Variants in SOX6 observed in about 807,000 individuals in gnomAD.
SOX6 encodes SRY-box transcription factor 6.
A neutral mutation model predicts 97.8 loss-of-function variants in SOX6; 11 were observed. That is an observed-to-expected ratio of 0.11 (90% CI 0.07 to 0.19). The LOEUF (loss-of-function observed/expected upper bound fraction) is 0.19, where lower values mean the gene tolerates loss of function less well. Among genes scored for constraint, SOX6 ranks in the 10% least tolerant of loss-of-function variants. The probability of loss-of-function intolerance (pLI) is 1.00; values close to 1 mark genes in which losing one functional copy is unlikely to be tolerated. For missense variants in SOX6, 810 were observed against 1,039.5 expected (o/e 0.78, Z 3.04); for synonymous variants, 360 against 371.4 (o/e 0.97, Z 0.35).
At position 16,398,713 on chromosome 11, in the gene SOX6, AT is replaced by A. The variant is rs1342661767; in HGVS notation, c.-4-57462del. On this transcript the variant is annotated intron_variant, in intron 1 of 15. Coordinates refer to the SOX6 transcript ENST00000396356. ...AACTCTTTAATATCCTGTTTTATGT[AT>A]TTCTTCTATAAGGTCAAAAGGCAGA... Among the ~76,000 whole-genome samples, 13 of 150,322 alleles carry A rather than the reference AT, an allele frequency of 8.6e-5. No homozygotes were observed. In the East Asian group the frequency reaches 2.5e-3, roughly 29 times the overall value.
At chr11:16,727,271 A>G (rs867104736) in intron 2 of SOX6, among the ~76,000 whole-genome samples, 1 of 131,544 alleles carries the variant, frequency 7.6e-6, no homozygotes, top group Non-Finnish European at 1.6e-5. Flanking sequence ...ACTTCACTTT[A>G]TATGCTATAT....
At chr11:16,361,388 T>G (rs1857207932), upstream of SOX6, among the ~76,000 whole-genome samples, 1 of 152,196 alleles carries the variant, frequency 6.6e-6, no homozygotes, top group Non-Finnish European at 1.5e-5. Context: ...ACATTACTTC[T>G]GCTATAAACA....
At chr11:16,373,591 T>C (rs1212911989) in intron 1 of SOX6, among the ~76,000 whole-genome samples, 2 of 152,082 alleles carry the variant, frequency 1.3e-5, no homozygotes, top group African/African-American at 4.8e-5. Flanking sequence ...ATTTAATTTA[T>C]AGGTTTCTAT....
rs1404237219 is a variant in SOX6, at chr11:16,445,464, T to G, written c.-5+30851A>C. On this transcript the variant is annotated intron_variant, in intron 1 of 15. Transcript: ENST00000396356. ...GCAGCCATGTATCTGTGGGCATTTT[T>G]ATATCCTTATTCATAAACCAAATCT... is the stretch of plus-strand genomic sequence containing the variant. Among the ~76,000 whole-genome samples the G allele has an allele frequency of 3.3e-5, 5 of 152,222 alleles. No individual in the cohort carries two copies. In the South Asian group the frequency reaches 1.0e-3, roughly 31 times the overall value.
intron 4 of SOX6, among the ~76,000 whole-genome samples, chr11:16,486,401 A>G (rs569654203): frequency 6.6e-6 from 1 of 152,216 alleles, no homozygotes; most frequent in South Asian, 2.1e-4. Flanking sequence ...CTTTTTTAAG[A>G]TCTTTTTTTT....
intron 3 of SOX6, among the ~76,000 whole-genome samples, chr11:16,681,138 C>G (rs1847924254): frequency 6.6e-6 from 1 of 152,218 alleles, no homozygotes; most frequent in Non-Finnish European, 1.5e-5. Context: ...CCCTCCACCC[C>G]AAATCAACAG....
At chr11:16,708,525 T>C (rs1384044616) in intron 3 of SOX6, among the ~76,000 whole-genome samples, 1 of 152,224 alleles carries the variant, frequency 6.6e-6, no homozygotes, top group African/African-American at 2.4e-5. Context: ...CCAGATAATA[T>C]ATCTTATGCT....
At chr11:16,079,629 C>T (rs1035761823) in intron 9 of SOX6, among the ~76,000 whole-genome samples, 3 of 152,030 alleles carry the variant, frequency 2.0e-5, no homozygotes, top group African/African-American at 7.2e-5. Context: ...TTTGAATTTA[C>T]TTATAAGTGA....
chr11:16,073,005 C>A (rs879256597), intron 9 of SOX6, among the ~76,000 whole-genome samples: 2 of 152,078 alleles, frequency 1.3e-5, no homozygotes, highest in Non-Finnish European at 2.9e-5. Flanking sequence ...CTTAAGTACG[C>A]AGACTAGTGA....
intron 7 of SOX6, 143 bp downstream of exon 7, chr11:16,111,660 A>T: frequency 8.8e-7 from 1 of 1,135,926 alleles, no homozygotes; most frequent in Non-Finnish European, 1.3e-6. Flanking sequence ...CACTCTTCCC[A>T]ATTCTAATTT....
chr11:16,586,882 C>T (rs758910597), intron 4 of SOX6, among the ~76,000 whole-genome samples: 8 of 152,170 alleles, frequency 5.3e-5, no homozygotes, highest in Non-Finnish European at 1.2e-4. Context: ...GAAACTAGTG[C>T]ATAGTGCAGC....
At chr11:16,012,177 A>G (rs143061698) in intron 13 of SOX6, among the ~76,000 whole-genome samples, 1 of 152,158 alleles carries the variant, frequency 6.6e-6, no homozygotes, top group East Asian at 1.9e-4. Flanking sequence ...TTTCTTCTTA[A>G]TCTTACTGTT....
chr11:16,198,589 A>G (rs565844734), intron 4 of SOX6, among the ~76,000 whole-genome samples: 1 of 152,304 alleles, frequency 6.6e-6, no homozygotes, highest in East Asian at 1.9e-4. Context: ...CATAAGGAAT[A>G]TAATACCACA....
chr11:16,305,843 T>C (rs1339980749), intron 3 of SOX6, among the ~76,000 whole-genome samples: 1 of 152,136 alleles, frequency 6.6e-6, no homozygotes, highest in Non-Finnish European at 1.5e-5. Context: ...AAAAGCTACA[T>C]ACTATATAAT....
chr11:16,451,083 T>A (rs921868245), intron 1 of SOX6, among the ~76,000 whole-genome samples: 1 of 151,816 alleles, frequency 6.6e-6, no homozygotes, highest in Non-Finnish European at 1.5e-5. Context: ...AATAAAAAAA[T>A]TAGCCAGGTA....
intron 4 of SOX6, among the ~76,000 whole-genome samples, chr11:16,539,192 A>G (rs886635296): frequency 3.3e-5 from 5 of 152,222 alleles, no homozygotes; most frequent in African/African-American, 1.2e-4. Flanking sequence ...GCACAACTAC[A>G]TGGAAACTGA....
chr11:16,610,117 T>C lies in SOX6; in HGVS notation n.609+1964A>G, dbSNP rs1221703609. Among the ~76,000 whole-genome samples, 5 of 152,126 alleles carry C rather than the reference T, an allele frequency of 3.3e-5. No homozygotes were observed. Among genetic ancestry groups the C allele is most frequent in the Non-Finnish European group, 7.4e-5 (5 of 68,026 alleles). On this transcript the variant is annotated intron_variant and non_coding_transcript_variant, in intron 4 of 5. Transcript: ENST00000524520. The surrounding 1 kb of genome is among the most constrained non-coding windows in gnomAD (Gnocchi z 4.4). Reference sequence around the variant, plus strand: ...CTCCCCTGTGTGTGTAAGAGTGTCGTTGGGCCTGTTCCAGAGCGTTGCACT... The same window carrying C: ...CTCCCCTGTGTGTGTAAGAGTGTCGCTGGGCCTGTTCCAGAGCGTTGCACT...
chr11:16,103,889 C>T (rs547538567), intron 7 of SOX6, among the ~76,000 whole-genome samples: 11 of 151,446 alleles, frequency 7.3e-5, no homozygotes, highest in East Asian at 2.0e-4. Flanking sequence ...TGGGGGATAG[C>T]GAGGTATAAA....
intron 1 of SOX6, among the ~76,000 whole-genome samples, chr11:16,457,869 A>G (rs1383521301): frequency 1.3e-5 from 2 of 152,030 alleles, no homozygotes; most frequent in African/African-American, 4.8e-5. Context: ...TAATGTTACC[A>G]ATGTTATCAT....
Sources: gnomAD v4.1 joint callset for allele counts (sites outside exome capture counted in the v4.1 genomes callset) on GRCh38, gnomAD v4.1.1 for gene constraint, Gnocchi (gnomAD v3.1) non-coding constraint, MANE v1.5 for transcripts, NCBI Gene and HGNC (gene_info 2026-07-23, HGNC 2026-07-21) for gene names.